ZSCAN1: variants seen among roughly 807,000 people sequenced by gnomAD.
ZSCAN1 encodes zinc finger and SCAN domain containing 1, also known as zinc finger and SCAN domain-containing protein 1.
In ZSCAN1, 23 loss-of-function variants were observed where a neutral mutation model predicts 23.8. That is an observed-to-expected ratio of 0.97 (90% CI 0.70 to 1.37). ZSCAN1 has a LOEUF of 1.37. Ranked by LOEUF, ZSCAN1 falls within the 40% of genes most tolerant of loss-of-function variation. The pLI is 0.00. For missense variants in ZSCAN1, 575 were observed against 554.0 expected (o/e 1.04, Z -0.38); for synonymous variants, 236 against 232.3 (o/e 1.02, Z -0.15).
At chr19:58,046,882 C>G (rs1332141900) in intron 4 of ZSCAN1, 10 of 596,336 alleles carry the variant, frequency 1.7e-5, no homozygotes, top group African/African-American at 1.5e-4. Context: ...TGGAATAAAT[C>G]AGAGACTTCC....
chr19:58,045,792 G>T lies in ZSCAN1; in HGVS notation c.465+5248G>T. 3.8e-6 allele frequency: 6 copies of T among 1,561,686 alleles called. No homozygotes were observed. Among genetic ancestry groups the T allele is most frequent in the Non-Finnish European group, 4.4e-6 (5 of 1,133,080 alleles). On this transcript the variant is annotated intron_variant, in intron 4 of 5. Coordinates refer to ENST00000282326, the MANE Select transcript of ZSCAN1 (RefSeq NM_182572.4). This position sits in a 1 kb window ranked among gnomAD's most constrained non-coding sequence, Gnocchi z 4.3. ...GGCTGGACCTGCACCTGCATCAGGA[G>T]ATCCCCACATCGCTGCTCATCCTGT... is the stretch of plus-strand genomic sequence containing the variant.
intron 4 of ZSCAN1, among the ~76,000 whole-genome samples, chr19:58,043,265 G>C (rs1332498915): frequency 6.6e-6 from 1 of 152,208 alleles, no homozygotes; most frequent in African/African-American, 2.4e-5. Context: ...AGGCGGTTTC[G>C]TCACCGTGCA....
Position 58,045,013 on chromosome 19 carries a change from GC to G in ZSCAN1, c.465+4474del. On this transcript the variant is annotated intron_variant, in intron 4 of 5. Coordinates refer to ENST00000282326, the MANE Select transcript of ZSCAN1 (RefSeq NM_182572.4). The surrounding 1 kb of genome is among the most constrained non-coding windows in gnomAD (Gnocchi z 4.3). The stretch of plus-strand genomic sequence containing the variant: ...GGAGGAAGGCGGCCCTGTGTACAGC[GC>G]CCCCGCAGAGATGGTGGTGAAGTCC... 4 of 1,151,606 alleles carry G rather than the reference GC, an allele frequency of 3.5e-6. No individual in the cohort carries two copies. Among genetic ancestry groups the G allele is most frequent in the Non-Finnish European group, 2.6e-6 (2 of 766,540 alleles). 71.3% of individuals were successfully genotyped at this position (1,151,606 alleles called of 1,614,324 possible). A position where few individuals can be genotyped will look rare whatever the true frequency, so the allele number is the denominator to read the frequency against.
Position 58,047,612 on chromosome 19 carries a change from G to C in ZSCAN1, c.466-4878G>C, listed in dbSNP as rs796552792. Among the ~76,000 whole-genome samples the C allele has an allele frequency of 9.2e-5, 14 of 152,336 alleles. No homozygotes were observed. Among genetic ancestry groups the C allele is most frequent in the African/African-American group, 2.6e-4 (11 of 41,576 alleles). ...TCAGGGATGAGCCTGGCTCGGGTTG[G>C]TGGGGCTCTGAAGCACATTTGGGGT... On this transcript the variant is annotated intron_variant, in intron 4 of 5. Coordinates refer to ENST00000282326, the MANE Select transcript of ZSCAN1 (RefSeq NM_182572.4). The surrounding 1 kb of genome is among the most constrained non-coding windows in gnomAD (Gnocchi z 4.9).
chr19:58,037,601 G>A, intron 2 of ZSCAN1, 127 bp from the exon 3 acceptor site: 1 of 442,958 alleles, frequency 2.3e-6, no homozygotes, highest in Non-Finnish European at 3.9e-6. Context: ...GTCAGAAGGT[G>A]GGAAGAGGTC....
At chr19:58,039,749 C>T (rs371790690) in intron 3 of ZSCAN1, among the ~76,000 whole-genome samples, 15 of 126,488 alleles carry the variant, frequency 1.2e-4, no homozygotes, top group South Asian at 2.6e-4. Flanking sequence ...GCAGCCTGGG[C>T]GACAGAGCGA....
chr19:58,037,370 G>A (rs1441447998), intron 2 of ZSCAN1, among the ~76,000 whole-genome samples: 4 of 152,064 alleles, frequency 2.6e-5, no homozygotes, highest in Non-Finnish European at 5.9e-5. Context: ...ATGACTAAAT[G>A]AGAGGGAGAT....
chr19:58,046,156 C>A (rs1322956780), intron 4 of ZSCAN1: 2 of 729,674 alleles, frequency 2.7e-6, no homozygotes, highest in East Asian at 2.4e-5. Context: ...TGCCCCCGTG[C>A]TAGAGGGCTT....
At chr19:58,034,462 G>C (rs1013532636) in intron 1 of ZSCAN1, among the ~76,000 whole-genome samples, 4 of 151,930 alleles carry the variant, frequency 2.6e-5, no homozygotes, top group Non-Finnish European at 4.4e-5. Context: ...GTTGGCATCC[G>C]CCTGTCCGTT....
In ZSCAN1 at chr19:58,037,907, C is replaced by T; in HGVS notation, c.71C>T (p.Ala24Val). 6.3e-7 allele frequency: 1 copy of T among 1,596,436 alleles called. No individual in the cohort carries two copies. The highest frequency in any genetic ancestry group is 8.5e-7 in the Non-Finnish European group (1 of 1,176,678). The change falls in exon 3 of 6, where the codon GCA becomes GTA. Residue 24 changes from alanine to valine, a missense_variant. Ala to Val is a moderately conservative substitution (Grantham distance 64, BLOSUM62 0). Coordinates refer to ENST00000282326, the MANE Select transcript of ZSCAN1 (RefSeq NM_182572.4). ...PQTPTPSEQD[A>V]DPGPASPRDT... ...ACCCCAACCCCGAGTGAGCAGGACG[C>T]AGACCCTGGGCCAGCAAGCCCCAGG...
Position 58,054,171 on chromosome 19 carries a change from G to A in ZSCAN1, c.*120G>A. ...CCCTGGCCACCTTGGGACTCCTCTT[G>A]AAGGACACAAGCTGTTTCTCGGAAG... On this transcript the variant is annotated 3_prime_UTR_variant, in exon 6 of 6. Coordinates refer to ENST00000282326, the MANE Select transcript of ZSCAN1 (RefSeq NM_182572.4). The surrounding 1 kb of genome is among the most constrained non-coding windows in gnomAD (Gnocchi z 4.2). The A allele has an allele frequency of 1.5e-6, 2 of 1,310,358 alleles. No homozygotes were observed. Among genetic ancestry groups the A allele is most frequent in the Non-Finnish European group, 2.0e-6 (2 of 990,290 alleles). 81.2% of individuals were successfully genotyped at this position (1,310,358 alleles called of 1,614,324 possible). A position where few individuals can be genotyped will look rare whatever the true frequency, so the allele number is the denominator to read the frequency against.
At chr19:58,043,828 T>TTAAAA (rs1490685240) in intron 4 of ZSCAN1, among the ~76,000 whole-genome samples, 3 of 152,014 alleles carry the variant, frequency 2.0e-5, no homozygotes, top group African/African-American at 7.2e-5. Flanking sequence ...TTTATATGTT[T>TTAAAA]TAAAATTTTT....
In ZSCAN1 at chr19:58,045,268, C is replaced by T; in HGVS notation, c.465+4724C>T. 1 of 792,212 alleles carries T rather than the reference C, an allele frequency of 1.3e-6. No individual in the cohort carries two copies. Among genetic ancestry groups the T allele is most frequent in the Non-Finnish European group, 2.3e-6 (1 of 429,640 alleles). 49.1% of individuals were successfully genotyped at this position (792,212 alleles called of 1,614,324 possible). ...TTCGTGGAGTTTCTGCTGCCTGTTG[C>T]TGTGAAACTCTTCCCCAACATGTTG... On this transcript the variant is annotated intron_variant, in intron 4 of 5. Coordinates refer to ENST00000282326, the MANE Select transcript of ZSCAN1 (RefSeq NM_182572.4). This position sits in a 1 kb window ranked among gnomAD's most constrained non-coding sequence, Gnocchi z 4.3.
intron 3 of ZSCAN1, chr19:58,038,512 C>T (rs988336082): frequency 1.6e-5 from 9 of 554,990 alleles, no homozygotes; most frequent in Admixed American, 1.4e-4. Flanking sequence ...GACGCTGCCT[C>T]GCCACTTCCT....
rs563263044 is a variant in ZSCAN1 at position 58,047,501 on chromosome 19, C to T, written c.466-4989C>T. Among the ~76,000 whole-genome samples the T allele has an allele frequency of 2.0e-4, 30 of 152,366 alleles. No homozygotes were observed. The highest frequency in any genetic ancestry group is 3.4e-4 in the African/African-American group (14 of 41,592). ...CAAGAGCCATCTCTGACCCAAGCCA[C>T]GCAACTCTGACGTAGCCCTAGCCAT... is the stretch of plus-strand genomic sequence containing the variant. On this transcript the variant is annotated intron_variant, in intron 4 of 5. Transcript: ENST00000282326. The surrounding 1 kb of genome is among the most constrained non-coding windows in gnomAD (Gnocchi z 4.9).
Position 58,045,092 on chromosome 19 carries a change from C to A in ZSCAN1, c.465+4548C>A. The A allele has an allele frequency of 8.1e-7, 1 of 1,228,908 alleles. No individual in the cohort carries two copies. Among genetic ancestry groups the A allele is most frequent in the Non-Finnish European group, 1.2e-6 (1 of 832,634 alleles). The allele number at this position is 1,228,908 out of a possible 1,614,324, so 76.1% of individuals were successfully genotyped here. ...TGAGGCACTACTACCATGGCTTCCG[C>A]CTGCTACGGATCCACACCAAGATCG... is the stretch of plus-strand genomic sequence containing the variant. On this transcript the variant is annotated intron_variant, in intron 4 of 5. Transcript: ENST00000282326. This position sits in a 1 kb window ranked among gnomAD's most constrained non-coding sequence, Gnocchi z 4.3.
At position 58,038,217 on chromosome 19, in the gene ZSCAN1, C is replaced by G; in HGVS notation, c.370+11C>G. ...TGTGCCAGCAGGAAGGTGAGAGGCG[C>G]AGGCTTCCTGCCCCGGGCCGGGCCA... On this transcript the variant is annotated intron_variant, in intron 3 of 5. Coordinates refer to ENST00000282326, the MANE Select transcript of ZSCAN1 (RefSeq NM_182572.4). 1 of 1,599,336 alleles carries G rather than the reference C, an allele frequency of 6.3e-7. No individual in the cohort carries two copies. Among genetic ancestry groups the G allele is most frequent in the South Asian group, 1.1e-5 (1 of 89,634 alleles).
chr19:58,042,673 G>C (rs1324423659), intron 4 of ZSCAN1, among the ~76,000 whole-genome samples: 1 of 152,152 alleles, frequency 6.6e-6, no homozygotes, highest in Non-Finnish European at 1.5e-5. Context: ...TGTTGGCCAC[G>C]GGCTTCCTCA....
intron 4 of ZSCAN1, among the ~76,000 whole-genome samples, chr19:58,044,432 G>A (rs2123430290): frequency 6.6e-6 from 1 of 152,036 alleles, no homozygotes; most frequent in Non-Finnish European, 1.5e-5. Flanking sequence ...CAAAAACATC[G>A]AAGCTGGGCG....
Sources: gnomAD v4.1 joint callset for allele counts (sites outside exome capture counted in the v4.1 genomes callset) on GRCh38, gnomAD v4.1.1 for gene constraint, Gnocchi (gnomAD v3.1) non-coding constraint, MANE v1.5 for transcripts, NCBI Gene and HGNC (gene_info 2026-07-23, HGNC 2026-07-21) for gene names.